Variants in DNAJC1 observed in about 807,000 individuals in gnomAD.
DNAJC1 encodes the protein dnaJ homolog subfamily C member 1.
DNAJC1 carries 58 observed loss-of-function variants against 76.6 expected under a neutral mutation model. That is an observed-to-expected ratio of 0.76 (90% CI 0.61 to 0.94). The LOEUF (loss-of-function observed/expected upper bound fraction) is 0.94, where lower values mean the gene tolerates loss of function less well. DNAJC1 is among the 40% of genes least tolerant of loss of function. The pLI is 0.00. For missense variants in DNAJC1, 689 were observed against 677.3 expected (o/e 1.02, Z -0.19); for synonymous variants, 258 against 267.9 (o/e 0.96, Z 0.36).
At chr10:21,758,108 C>A (rs983785832) in intron 11 of DNAJC1, among the ~76,000 whole-genome samples, 7 of 152,298 alleles carry the variant, frequency 4.6e-5, no homozygotes, top group African/African-American at 1.7e-4. Flanking sequence ...TCCCCAGGAA[C>A]TCTCAACTTT....
intron 8 of DNAJC1, among the ~76,000 whole-genome samples, chr10:21,879,032 G>T (rs1422058318): frequency 6.6e-6 from 1 of 152,124 alleles, no homozygotes; most frequent in Non-Finnish European, 1.5e-5. Flanking sequence ...GACTACATAG[G>T]AAATGATGCT....
chr10:21,784,663 A>G (rs942961227), intron 9 of DNAJC1, among the ~76,000 whole-genome samples: 1 of 152,272 alleles, frequency 6.6e-6, no homozygotes, highest in African/African-American at 2.4e-5. Context: ...ATGTCCATCA[A>G]TGATAGACTG....
At chr10:21,868,875 A>G (rs188876048) in intron 8 of DNAJC1, among the ~76,000 whole-genome samples, 34 of 152,228 alleles carry the variant, frequency 2.2e-4, no homozygotes, top group Non-Finnish European at 2.9e-4. Flanking sequence ...ACAACTGACC[A>G]AAAATTAACA....
At chr10:21,839,654 C>T (rs934616690) in intron 8 of DNAJC1, among the ~76,000 whole-genome samples, 1 of 152,132 alleles carries the variant, frequency 6.6e-6, no homozygotes, top group Non-Finnish European at 1.5e-5. Flanking sequence ...GGATTCACAG[C>T]CGAATTCTAC....
chr10:21,955,003 T>C (rs1349931492), intron 1 of DNAJC1, among the ~76,000 whole-genome samples: 1 of 152,114 alleles, frequency 6.6e-6, no homozygotes, highest in South Asian at 2.1e-4. Flanking sequence ...AATTCCTTGC[T>C]GTAGGAGGCT....
chr10:21,953,821 T>TAAAAAAAA (rs779370823), intron 1 of DNAJC1, among the ~76,000 whole-genome samples: 1 of 84,932 alleles, frequency 1.2e-5, no homozygotes, highest in African/African-American at 4.7e-5. Flanking sequence ...AACTGAACTT[T>TAAAAAAAA]AAAAAAAAAA....
At chr10:21,834,761 C>T (rs928667075) in intron 8 of DNAJC1, among the ~76,000 whole-genome samples, 4 of 152,278 alleles carry the variant, frequency 2.6e-5, no homozygotes, top group South Asian at 2.1e-4. Flanking sequence ...AAGGTGGCAG[C>T]GAGGCTGGGG....
At chr10:21,765,451 G>C (rs1014671886) in intron 10 of DNAJC1, among the ~76,000 whole-genome samples, 3 of 152,172 alleles carry the variant, frequency 2.0e-5, no homozygotes, top group African/African-American at 7.2e-5. Flanking sequence ...TTTGAGTTAG[G>C]TTGCAAAGTT....
chr10:21,940,235 A>G (rs1837384133), intron 1 of DNAJC1, among the ~76,000 whole-genome samples: 1 of 152,200 alleles, frequency 6.6e-6, no homozygotes, highest in Admixed American at 6.5e-5. Context: ...AATAAATACA[A>G]TAATATAGTT....
intron 7 of DNAJC1, among the ~76,000 whole-genome samples, chr10:21,898,340 G>A (rs777815849): frequency 2.0e-5 from 3 of 152,022 alleles, no homozygotes; most frequent in Admixed American, 6.6e-5. Context: ...AGTCAACAAT[G>A]GTCCACATAT....
intron 11 of DNAJC1, among the ~76,000 whole-genome samples, chr10:21,758,827 G>A (rs921515565): frequency 1.3e-5 from 2 of 152,196 alleles, no homozygotes; most frequent in East Asian, 1.9e-4. Flanking sequence ...TGCATTTCAC[G>A]GTGAGGCAGC....
rs770340941 is a variant in DNAJC1, at chr10:21,806,974, AATT to A, written c.979-878_979-876del. On this transcript the variant is annotated intron_variant, in intron 8 of 11. Coordinates refer to ENST00000376980, the MANE Select transcript of DNAJC1 (RefSeq NM_022365.4). Reference sequence around the variant, plus strand: ...ACCCCAAAGTGAGCACAGAGAAATAAATTATTATCAAACAACAAATAACCACGT... The same window carrying A: ...ACCCCAAAGTGAGCACAGAGAAATAAATTATCAAACAACAAATAACCACGT... Among the ~76,000 whole-genome samples the A allele has an allele frequency of 6.6e-5, 10 of 152,170 alleles. 1 individual carries two copies. Among genetic ancestry groups the A allele is most frequent in the Middle Eastern group, 6.3e-3 (2 of 316 alleles).
At chr10:21,986,452 C>T (rs1454552631) in intron 1 of DNAJC1, among the ~76,000 whole-genome samples, 1 of 152,018 alleles carries the variant, frequency 6.6e-6, no homozygotes, top group East Asian at 1.9e-4. Context: ...TGTATATCTT[C>T]TTGGGTAAGG....
intron 9 of DNAJC1, 111 bp downstream of exon 9, chr10:21,805,869 T>C: frequency 7.2e-7 from 1 of 1,393,086 alleles, no homozygotes; most frequent in Non-Finnish European, 9.9e-7. Context: ...CCTAAAAGGA[T>C]TGTTGTATCC....
intron 1 of DNAJC1, among the ~76,000 whole-genome samples, chr10:21,963,091 T>G (rs1160398522): frequency 6.6e-6 from 1 of 152,232 alleles, no homozygotes; most frequent in African/African-American, 2.4e-5. Flanking sequence ...TCTTTGTGGT[T>G]CTTCCTGATA....
At chr10:21,978,406 C>G (rs1838099870) in intron 1 of DNAJC1, among the ~76,000 whole-genome samples, 1 of 152,084 alleles carries the variant, frequency 6.6e-6, no homozygotes, top group Admixed American at 6.5e-5. Flanking sequence ...AGTCGATTAG[C>G]AAGTGAAAAG....
chr10:21,996,835 T>G (rs1838422553), intron 1 of DNAJC1, among the ~76,000 whole-genome samples: 2 of 152,168 alleles, frequency 1.3e-5, no homozygotes, highest in South Asian at 4.1e-4. Context: ...AAAAAGAGTG[T>G]GTACATAAGA....
chr10:21,929,930 T>C (rs1837194089), intron 1 of DNAJC1, among the ~76,000 whole-genome samples: 1 of 152,238 alleles, frequency 6.6e-6, no homozygotes, highest in Non-Finnish European at 1.5e-5. Flanking sequence ...CATTTTTACA[T>C]GGCCAGTATA....
chr10:21,775,315 C>A (rs913829576), intron 9 of DNAJC1, among the ~76,000 whole-genome samples: 1 of 137,500 alleles, frequency 7.3e-6, no homozygotes, highest in East Asian at 2.3e-4. Flanking sequence ...TTCATAAAAA[C>A]GTTAACTGCA....
Sources: gnomAD v4.1 joint callset for allele counts (sites outside exome capture counted in the v4.1 genomes callset) on GRCh38, gnomAD v4.1.1 for gene constraint, MANE v1.5 for transcripts, NCBI Gene and HGNC (gene_info 2026-07-23, HGNC 2026-07-21) for gene names.